CRMP1: variants seen among roughly 807,000 people sequenced by gnomAD.
The protein encoded by CRMP1 is dihydropyrimidinase-related protein 1.
Under a neutral mutation model 68.3 loss-of-function variants are expected in CRMP1, and 19 were observed. That is an observed-to-expected ratio of 0.28 (90% CI 0.19 to 0.41). CRMP1 has a LOEUF of 0.41. Among genes scored for constraint, CRMP1 ranks in the 10% least tolerant of loss-of-function variants. The probability of loss-of-function intolerance (pLI) is 1.00; values close to 1 mark genes in which losing one functional copy is unlikely to be tolerated. For synonymous variants in CRMP1, 439 were observed against 399.6 expected (o/e 1.10, Z -1.18); for missense variants, 791 against 967.4 (o/e 0.82, Z 2.42).
chr4:5,854,122 AACCTGGGGAAAATTGCTCAGAAC>A lies in CRMP1; in HGVS notation c.820+1998_820+2020del, dbSNP rs1712861024. On this transcript the variant is annotated intron_variant, in intron 4 of 13. Coordinates refer to ENST00000324989, the MANE Select transcript of CRMP1 (RefSeq NM_001014809.3). This position sits in a 1 kb window ranked among gnomAD's most constrained non-coding sequence, Gnocchi z 4.0. The stretch of plus-strand genomic sequence containing the variant: ...TAAACGACCATTTGCTTAAGGCGGC[AACCTGGGGAAAATTGCTCAGAAC>A]TTAACATTAGGTAAGGAAAGTAAGA... Among the ~76,000 whole-genome samples the A allele has an allele frequency of 4.6e-5, 7 of 152,358 alleles. No homozygotes were observed. The South Asian group carries it at 1.4e-3, about 32-fold the overall frequency.
In CRMP1 at chr4:5,892,995, G is replaced by C; in HGVS notation, c.-26C>G. On this transcript the variant is annotated 5_prime_UTR_variant, in exon 1 of 14. Transcript: ENST00000324989. This position sits in a 1 kb window ranked among gnomAD's most constrained non-coding sequence, Gnocchi z 8.6. The stretch of plus-strand genomic sequence containing the variant: ...ACCCGTCCAAGGCCGGCCACCCACC[G>C]CGCTCCCGCCTGCCCGCCCGCGGCC... The C allele has an allele frequency of 2.6e-6, 3 of 1,158,916 alleles. No homozygotes were observed. Among genetic ancestry groups the C allele is most frequent in the Non-Finnish European group, 3.2e-6 (3 of 941,114 alleles). 71.8% of individuals were successfully genotyped at this position (1,158,916 alleles called of 1,614,324 possible).
At chr4:5,873,447 G>A (rs1374101370) in intron 1 of CRMP1, among the ~76,000 whole-genome samples, 2 of 152,022 alleles carry the variant, frequency 1.3e-5, no homozygotes, top group Non-Finnish European at 2.9e-5. Flanking sequence ...CAGGAAGCAT[G>A]ATGCTGGCAT....
Position 5,888,265 on chromosome 4 carries a change from A to G in CRMP1, c.381+4324T>C. ...GATGCTCTTCTTGCCCTGGTACGACATGGCCCCCTCTGGCGCCCTCGGCCC... is the reference window on the plus strand; with the variant it reads ...GATGCTCTTCTTGCCCTGGTACGACGTGGCCCCCTCTGGCGCCCTCGGCCC... On this transcript the variant is annotated intron_variant, in intron 1 of 13. Transcript: ENST00000324989. The surrounding 1 kb of genome is among the most constrained non-coding windows in gnomAD (Gnocchi z 6.4). The G allele has an allele frequency of 7.8e-7, 1 of 1,281,434 alleles. No homozygotes were observed. Among genetic ancestry groups the G allele is most frequent in the East Asian group, 3.0e-5 (1 of 32,960 alleles). The allele number at this position is 1,281,434 out of a possible 1,614,324, so 79.4% of individuals were successfully genotyped here. A position where few individuals can be genotyped will look rare whatever the true frequency, so the allele number is the denominator to read the frequency against.
At position 5,861,061 on chromosome 4, in the gene CRMP1, G is replaced by C. The variant is rs1033462450; in HGVS notation, c.620C>G (p.Thr207Ser). The C allele has an allele frequency of 1.7e-5, 27 of 1,614,056 alleles. No homozygotes were observed. Among genetic ancestry groups the C allele is most frequent in the Admixed American group, 1.3e-4 (8 of 60,002 alleles). ...GGTCCCGCCCACCAGTGCCGCCCTG[G>C]TCCCTTGGAAGAAGTCATCAGCCGC... ...MTAADDFFQG[T>S]RAALVGGTTM... The change falls in exon 3 of 14, where the codon ACC (threonine) becomes AGC (serine). Residue 207 changes from threonine (T) to serine (S), a missense_variant. Thr to Ser is a moderately conservative substitution (Grantham distance 58). Around this residue, in one of 3 missense-constraint regions of CRMP1, gnomAD observed 594 missense variants for 763.6 expected, o/e 0.78. Transcript: ENST00000324989. The surrounding 1 kb of genome is among the most constrained non-coding windows in gnomAD (Gnocchi z 6.0).
chr4:5,849,319 GCT>G lies in CRMP1; in HGVS notation c.963+71_963+72del. On this transcript the variant is annotated intron_variant, in intron 6 of 13. Transcript: ENST00000324989. ...TTGTACAGCCTCCTCACTAACCAAT[GCT>G]CTTTTATCAAACCTTTTGCAACAAG... The G allele has an allele frequency of 2.4e-6, 3 of 1,239,072 alleles. No homozygotes were observed. The African/African-American group carries it at 4.5e-5, about 18-fold the overall frequency. 76.8% of individuals were successfully genotyped at this position (1,239,072 alleles called of 1,614,324 possible).
chr4:5,861,454 G>A lies in CRMP1; in HGVS notation c.471-244C>T, dbSNP rs1475120077. The stretch of plus-strand genomic sequence containing the variant: ...AGAGATGATCGGGGGCACGAGGAGG[G>A]GCCCTTTCATCCAGTCTCATTATCT... On this transcript the variant is annotated intron_variant, in intron 2 of 13. Coordinates refer to ENST00000324989, the MANE Select transcript of CRMP1 (RefSeq NM_001014809.3). The surrounding 1 kb of genome is among the most constrained non-coding windows in gnomAD (Gnocchi z 6.0). Among the ~76,000 whole-genome samples the A allele has an allele frequency of 1.3e-5, 2 of 152,138 alleles. No individual in the cohort carries two copies. The highest frequency in any genetic ancestry group is 2.9e-5 in the Non-Finnish European group (2 of 68,032).
intron 1 of CRMP1, among the ~76,000 whole-genome samples, chr4:5,884,592 A>G (rs1715446464): frequency 6.6e-6 from 1 of 152,050 alleles, no homozygotes; most frequent in African/African-American, 2.4e-5. Context: ...AACCTTTACA[A>G]GCCTCTGAAT....
Position 5,866,521 on chromosome 4 carries a change from C to T in CRMP1, c.470+147G>A, listed in dbSNP as rs1480377392. The T allele has an allele frequency of 1.8e-6, 1 of 557,028 alleles. No homozygotes were observed. Among genetic ancestry groups the T allele is most frequent in the South Asian group, 3.4e-5 (1 of 29,566 alleles). The allele number at this position is 557,028 out of a possible 1,614,324, so 34.5% of individuals were successfully genotyped here. A position where few individuals can be genotyped will look rare whatever the true frequency, so the allele number is the denominator to read the frequency against. On this transcript the variant is annotated intron_variant, in intron 2 of 13. Coordinates refer to ENST00000324989, the MANE Select transcript of CRMP1 (RefSeq NM_001014809.3). This position sits in a 1 kb window ranked among gnomAD's most constrained non-coding sequence, Gnocchi z 5.9. ...CCCCTTCTCCACCCGCAGTGTGCAC[C>T]TCCCCCAACCTCTGTGAGGTCTCTA...
In CRMP1 at chr4:5,841,937, T is replaced by C. The variant is rs958493504; in HGVS notation, c.1033-509A>G. 3.3e-5 allele frequency among the ~76,000 whole-genome samples: 5 copies of C among 152,118 alleles called. No individual in the cohort carries two copies. Among genetic ancestry groups the C allele is most frequent in the Admixed American group, 6.5e-5 (1 of 15,276 alleles). ...GGCTCACACCTGTAATCCCAGCACT[T>C]TGGGAGGCCAAGACGGATGGATCAC... On this transcript the variant is annotated intron_variant, in intron 7 of 13. Coordinates refer to ENST00000324989, the MANE Select transcript of CRMP1 (RefSeq NM_001014809.3). The surrounding 1 kb of genome is among the most constrained non-coding windows in gnomAD (Gnocchi z 6.9).
At chr4:5,874,929 G>A (rs532025169) in intron 1 of CRMP1, among the ~76,000 whole-genome samples, 11 of 152,254 alleles carry the variant, frequency 7.2e-5, no homozygotes, top group East Asian at 3.9e-4. Flanking sequence ...GCGTCCTCGC[G>A]AAGACTCTAC....
chr4:5,839,625 G>T lies in CRMP1; in HGVS notation c.1207C>A (p.His403Asn), dbSNP rs1414916505. 3.1e-6 allele frequency: 5 copies of T among 1,613,084 alleles called. No homozygotes were observed. The highest frequency in any genetic ancestry group is 4.2e-6 in the Non-Finnish European group (5 of 1,179,676). ...IAASLGTDGTHYWSKNWAKAA... is the reference protein window; with the variant it reads ...IAASLGTDGTNYWSKNWAKAA... ...TTGGCCCAGTTCTTGCTCCAGTAATGGGTGCCATCGGTCCCCAGGCTGGCG... is the reference window on the plus strand; with the variant it reads ...TTGGCCCAGTTCTTGCTCCAGTAATTGGTGCCATCGGTCCCCAGGCTGGCG... The change falls in exon 9 of 14, where the codon CAT becomes AAT. Residue 403 changes from histidine (H) to asparagine (N), a missense_variant. Physicochemically the swap from His to Asn is moderately conservative, Grantham distance 68. This residue lies in a region of CRMP1 where 594 missense variants were observed against 763.6 expected (regional missense o/e 0.78). Coordinates refer to ENST00000324989, the MANE Select transcript of CRMP1 (RefSeq NM_001014809.3).
rs79481759 is a variant in CRMP1 at position 5,889,641 on chromosome 4, T to C, written c.381+2948A>G. 10,442 of 1,536,156 alleles carry C rather than the reference T, an allele frequency of 6.8e-3. 301 individuals carry two copies. In the African/African-American group the frequency reaches 0.089, roughly 13 times the overall value. ...AACACCAACCTTGTCCACCACTTCG[T>C]TGTTCATTTTCTGCATGCGAAATCC... On this transcript the variant is annotated intron_variant, in intron 1 of 13. Coordinates refer to ENST00000324989, the MANE Select transcript of CRMP1 (RefSeq NM_001014809.3). This position sits in a 1 kb window ranked among gnomAD's most constrained non-coding sequence, Gnocchi z 4.5.
In CRMP1 at chr4:5,883,258, T is replaced by TCCTTCCTTCCTTCCTC. The variant is rs1560522213; in HGVS notation, c.381+9330_381+9331insGAGGAAGGAAGGAAGG. ...TTCCTTCCTTCCTTCCTTCCTTCCT[T>TCCTTCCTTCCTTCCTC]CCTCCCTCCCTCCCTCCCTTCCTGT... On this transcript the variant is annotated intron_variant, in intron 1 of 13. Transcript: ENST00000324989. The surrounding 1 kb of genome is among the most constrained non-coding windows in gnomAD (Gnocchi z 4.5). 6.6e-6 allele frequency among the ~76,000 whole-genome samples: 1 copy of TCCTTCCTTCCTTCCTC among 151,566 alleles called. No homozygotes were observed. Among genetic ancestry groups the TCCTTCCTTCCTTCCTC allele is most frequent in the African/African-American group, 2.4e-5 (1 of 41,182 alleles).
chr4:5,876,831 G>A (rs924681884), intron 1 of CRMP1, among the ~76,000 whole-genome samples: 4 of 146,348 alleles, frequency 2.7e-5, no homozygotes, highest in Admixed American at 7.1e-5. Context: ...AATTCCCATC[G>A]GGGCTTTTAT....
At chr4:5,862,919 C>T (rs1305411324) in intron 2 of CRMP1, among the ~76,000 whole-genome samples, 2 of 152,130 alleles carry the variant, frequency 1.3e-5, no homozygotes, top group African/African-American at 4.8e-5. Flanking sequence ...GATCCTCCCG[C>T]CTCAGCCTCT....
In CRMP1 at chr4:5,825,485, C is replaced by G. The variant is rs1303575777; in HGVS notation, c.1969+9G>C. 1 of 1,564,078 alleles carries G rather than the reference C, an allele frequency of 6.4e-7. No homozygotes were observed. The highest frequency in any genetic ancestry group is 2.3e-5 in the East Asian group (1 of 42,712). ...ATTGTGGGGAGCCTGGGCCACCACT[C>G]TTTCCTACCTGATAAGCTGAAGTTG... On this transcript the variant is annotated intron_variant, in intron 13 of 13. Coordinates refer to ENST00000324989, the MANE Select transcript of CRMP1 (RefSeq NM_001014809.3). The surrounding 1 kb of genome is among the most constrained non-coding windows in gnomAD (Gnocchi z 4.4).
rs1715774015 is a variant in CRMP1 at position 5,888,569 on chromosome 4, G to C, written c.381+4020C>G. On this transcript the variant is annotated intron_variant, in intron 1 of 13. Transcript: ENST00000324989. This position sits in a 1 kb window ranked among gnomAD's most constrained non-coding sequence, Gnocchi z 6.4. ...CCTCCCGGCGGCGCGGAGCGAAGCC[G>C]GATTCGCCCCTCTCGGCTCGAACCA... The C allele has an allele frequency of 3.6e-6, 4 of 1,113,414 alleles. No homozygotes were observed. The highest frequency in any genetic ancestry group is 4.4e-5 in the South Asian group (1 of 22,480). The allele number at this position is 1,113,414 out of a possible 1,614,324, so 69.0% of individuals were successfully genotyped here. A position where few individuals can be genotyped will look rare whatever the true frequency, so the allele number is the denominator to read the frequency against.
rs900851191 is a variant in CRMP1 at position 5,890,269 on chromosome 4, G to A, written c.381+2320C>T. The A allele has an allele frequency of 6.5e-6, 1 of 152,860 alleles. No homozygotes were observed. Among genetic ancestry groups the A allele is most frequent in the Admixed American group, 6.5e-5 (1 of 15,362 alleles). 9.5% of individuals were successfully genotyped at this position (152,860 alleles called of 1,614,324 possible). A position where few individuals can be genotyped will look rare whatever the true frequency, so the allele number is the denominator to read the frequency against. The stretch of plus-strand genomic sequence containing the variant: ...GGACAAGACCACGTGCGTATCAGGG[G>A]GAGGAGCATCCGCCTGCCACTGGCC... On this transcript the variant is annotated intron_variant, in intron 1 of 13. Transcript: ENST00000324989. This position sits in a 1 kb window ranked among gnomAD's most constrained non-coding sequence, Gnocchi z 5.5.
At chr4:5,886,111 C>T (rs1715567305) in intron 1 of CRMP1, among the ~76,000 whole-genome samples, 1 of 152,198 alleles carries the variant, frequency 6.6e-6, no homozygotes, top group Non-Finnish European at 1.5e-5. Flanking sequence ...TTGTTTAAAA[C>T]CACAAACGCT....
Sources: allele counts gnomAD v4.1 joint callset (sites outside exome capture counted in the v4.1 genomes callset), GRCh38; gene constraint gnomAD v4.1.1; regional missense constraint gnomAD v4.1.1; non-coding constraint Gnocchi (gnomAD v3.1); transcripts MANE v1.5; gene names NCBI Gene and HGNC (gene_info 2026-07-23, HGNC 2026-07-21).